The following SPATA16 variants were observed in gnomAD, a reference collection of about 807,000 sequenced individuals.
SPATA16 encodes spermatogenesis associated 16.
A neutral mutation model predicts 63.3 loss-of-function variants in SPATA16; 36 were observed. The observed-to-expected ratio is 0.57, with a 90% CI of 0.44 to 0.75. The LOEUF is 0.75. Among genes scored for constraint, SPATA16 ranks in the 30% least tolerant of loss-of-function variants. SPATA16 has a pLI of 0.00. For missense variants in SPATA16, 646 were observed against 679.3 expected (o/e 0.95, Z 0.54); for synonymous variants, 203 against 216.7 (o/e 0.94, Z 0.56).
chr3:172,909,674 A>G (rs1732318601), intron 10 of SPATA16, among the ~76,000 whole-genome samples: 3 of 152,192 alleles, frequency 2.0e-5, no homozygotes, highest in Non-Finnish European at 4.4e-5. Flanking sequence ...AAGCCATTTG[A>G]CTAAACTGCA....
chr3:173,010,005 C>T (rs13098253), intron 4 of SPATA16, among the ~76,000 whole-genome samples: 12,989 of 152,128 alleles, frequency 0.085, 746 homozygotes, highest in East Asian at 0.13. Flanking sequence ...TGAGTAGGCC[C>T]ATGACCAGTC....
rs181632756 is a variant in SPATA16 at position 172,943,654 on chromosome 3, T to A, written c.1081+13023A>T. ...ACTCGAGAGGCTGAGGTACGAGAAT[T>A]GCTTGAACCTGGGAGGCAGAGGTTG... On this transcript the variant is annotated intron_variant, in intron 6 of 10. Coordinates refer to ENST00000351008, the MANE Select transcript of SPATA16 (RefSeq NM_031955.6). 3.2e-3 allele frequency among the ~76,000 whole-genome samples: 487 copies of A among 152,224 alleles called. 6 individuals are homozygous for A. The highest frequency in any genetic ancestry group is 0.027 in the Admixed American group (419 of 15,288).
intron 2 of SPATA16, among the ~76,000 whole-genome samples, chr3:173,070,203 T>G (rs945967887): frequency 3.9e-5 from 6 of 152,060 alleles, no homozygotes; most frequent in Admixed American, 6.5e-5. Flanking sequence ...AAGACCAGCC[T>G]GTCCAATATG....
intron 2 of SPATA16, among the ~76,000 whole-genome samples, chr3:173,110,654 A>G (rs553835846): frequency 3.5e-4 from 54 of 152,334 alleles, no homozygotes; most frequent in African/African-American, 1.3e-3. Context: ...CTTATTATCT[A>G]TCATTTCTAC....
chr3:173,114,268 A>G (rs1459274173), intron 2 of SPATA16, among the ~76,000 whole-genome samples: 1 of 151,116 alleles, frequency 6.6e-6, no homozygotes, highest in Non-Finnish European at 1.5e-5. Context: ...TTCAATACCT[A>G]TTTTCTCCTT....
At chr3:172,919,267 T>C (rs1383174414) in intron 8 of SPATA16, among the ~76,000 whole-genome samples, 1 of 152,196 alleles carries the variant, frequency 6.6e-6, no homozygotes, top group Non-Finnish European at 1.5e-5. Context: ...AAAAGTATAG[T>C]GCCATCCAGT....
chr3:172,902,920 T>C (rs934245371), intron 10 of SPATA16, among the ~76,000 whole-genome samples: 3 of 152,206 alleles, frequency 2.0e-5, no homozygotes, highest in Non-Finnish European at 2.9e-5. Flanking sequence ...TAGAGCTGCA[T>C]GTAAAGGCAC....
chr3:173,135,466 A>T (rs1003113408), intron 1 of SPATA16, among the ~76,000 whole-genome samples: 9 of 152,228 alleles, frequency 5.9e-5, no homozygotes, highest in Admixed American at 1.3e-4. Flanking sequence ...AGAAATGCAT[A>T]CAAGAACGTT....
intron 2 of SPATA16, among the ~76,000 whole-genome samples, chr3:173,105,583 C>T (rs1331946316): frequency 6.6e-6 from 1 of 152,112 alleles, no homozygotes; most frequent in African/African-American, 2.4e-5. Flanking sequence ...GTTCAGGTGG[C>T]TTCAGGTACT....
intron 1 of SPATA16, among the ~76,000 whole-genome samples, chr3:173,131,390 C>T (rs1738380827): frequency 6.6e-6 from 1 of 152,098 alleles, no homozygotes; most frequent in Non-Finnish European, 1.5e-5. Flanking sequence ...GGGTGTAACT[C>T]CCTCGTCAAA....
intron 8 of SPATA16, among the ~76,000 whole-genome samples, chr3:172,922,783 C>T (rs1732641990): frequency 6.6e-6 from 1 of 152,072 alleles, no homozygotes; most frequent in Non-Finnish European, 1.5e-5. Context: ...ATTAGCTAGG[C>T]ATGGTGGCAC....
intron 4 of SPATA16, among the ~76,000 whole-genome samples, chr3:173,006,126 A>G (rs1473488269): frequency 1.3e-5 from 2 of 152,200 alleles, no homozygotes; most frequent in Non-Finnish European, 2.9e-5. Context: ...CAAATGACTC[A>G]ATCTGTCTTT....
chr3:173,133,260 A>G (rs1364546793), intron 1 of SPATA16, among the ~76,000 whole-genome samples: 1 of 152,182 alleles, frequency 6.6e-6, no homozygotes. Flanking sequence ...GGCTCTGCCA[A>G]TAGAGGGTAC....
intron 6 of SPATA16, among the ~76,000 whole-genome samples, chr3:172,952,889 G>A (rs1242370114): frequency 7.0e-6 from 1 of 142,110 alleles, no homozygotes; most frequent in Non-Finnish European, 1.5e-5. Flanking sequence ...GCAGTGAGCT[G>A]AGATCTCACC....
At chr3:173,004,591 T>A (rs760457611) in intron 4 of SPATA16, among the ~76,000 whole-genome samples, 73 of 152,218 alleles carry the variant, frequency 4.8e-4, no homozygotes, top group Admixed American at 7.2e-4. Context: ...AATAGTCTTA[T>A]GCTATAATAC....
intron 5 of SPATA16, among the ~76,000 whole-genome samples, chr3:172,973,651 A>G (rs2108248494): frequency 6.6e-6 from 1 of 152,350 alleles, no homozygotes; most frequent in South Asian, 2.1e-4. Flanking sequence ...TCCTCATGTT[A>G]TTAAAACTAG....
intron 4 of SPATA16, among the ~76,000 whole-genome samples, chr3:173,014,657 C>T (rs1285732572): frequency 6.6e-6 from 1 of 152,192 alleles, no homozygotes; most frequent in African/African-American, 2.4e-5. Context: ...AATACTATCT[C>T]TTGAAGATTC....
At chr3:173,133,575 G>T (rs1738443003) in intron 1 of SPATA16, among the ~76,000 whole-genome samples, 1 of 152,112 alleles carries the variant, frequency 6.6e-6, no homozygotes, top group Non-Finnish European at 1.5e-5. Flanking sequence ...TTACTTACTT[G>T]TTCGTGTCCC....
intron 10 of SPATA16, among the ~76,000 whole-genome samples, chr3:172,896,260 A>G (rs1001583580): frequency 1.1e-4 from 17 of 152,120 alleles, no homozygotes; most frequent in Non-Finnish European, 2.2e-4. Context: ...TCGCTCTGTC[A>G]CCCAGGCTGG....
Sources: allele counts gnomAD v4.1 joint callset (sites outside exome capture counted in the v4.1 genomes callset), GRCh38; gene constraint gnomAD v4.1.1; transcripts MANE v1.5; gene names NCBI Gene and HGNC (gene_info 2026-07-23, HGNC 2026-07-21).